The following DEF8 variants were observed in gnomAD, a reference collection of about 807,000 sequenced individuals.
The protein encoded by DEF8 is DEF-8.
DEF8 carries 38 observed loss-of-function variants against 59.1 expected under a neutral mutation model. The observed-to-expected ratio is 0.64, with a 90% CI of 0.50 to 0.84. The LOEUF is 0.84. Among genes scored for constraint, DEF8 ranks in the 40% least tolerant of loss-of-function variants. The pLI is 0.00. For synonymous variants in DEF8, 265 were observed against 250.1 expected, an observed-to-expected ratio of 1.06 and a Z score of -0.56; for missense variants, 557 against 615.2, an observed-to-expected ratio of 0.91 and a Z score of 1.00.
chr16:89,949,810 C>G (rs553132032), intron 2 of DEF8, among the ~76,000 whole-genome samples: 3 of 152,362 alleles, frequency 2.0e-5, no homozygotes, highest in Non-Finnish European at 2.9e-5. Flanking sequence ...TTTCACTCTT[C>G]CACTTCCTGC....
In DEF8 at chr16:89,960,669, G is replaced by C. The variant is rs562885089; in HGVS notation, c.515-262G>C. ...CGTTTGTTACATTTGGACAGGTTGG[G>C]TCTGGTGGTGGGAGTGGCAGGTTGG... On this transcript the variant is annotated intron_variant, in intron 6 of 12. Transcript: ENST00000563594. Among the ~76,000 whole-genome samples, 3 of 152,292 alleles carry C rather than the reference G, an allele frequency of 2.0e-5. No homozygotes were observed. The South Asian group carries it at 6.2e-4, about 32-fold the overall frequency.
At chr16:89,949,762 G>A in intron 2 of DEF8, 2 of 955,404 alleles carry the variant, frequency 2.1e-6, no homozygotes, top group South Asian at 1.7e-5. Context: ...AGAGCAGTGG[G>A]CTCTAGAGGA....
intron 1 of DEF8, among the ~76,000 whole-genome samples, chr16:89,949,045 GGGGTCGGGGCT>G (rs2031370032): frequency 3.3e-5 from 3 of 90,366 alleles, no homozygotes; most frequent in African/African-American, 2.6e-4. Flanking sequence ...CGGGGTCGGC[GGGGTCGGGGCT>G]GGGAGGGACG....
chr16:89,959,016 C>A lies in DEF8; in HGVS notation c.375C>A (p.Asp125Glu). ...HLRLKLQELKDPNEDEPNIRV... is the reference protein window; with the variant it reads ...HLRLKLQELKEPNEDEPNIRV... ...CCTCCCTGACTCACCCTCTGCAGGACCCCAATGAGGATGAGCCAAACATCC... is the reference window on the plus strand; with the variant it reads ...CCTCCCTGACTCACCCTCTGCAGGAACCCAATGAGGATGAGCCAAACATCC... Residue 125 changes from aspartate to glutamate, a missense_variant and splice_region_variant, in exon 6 of 13, where the codon GAC becomes GAA. By Grantham distance (45) the Asp-to-Glu change is conservative (BLOSUM62 2). Transcript: ENST00000563594. 6.2e-7 allele frequency: 1 copy of A among 1,611,366 alleles called. No individual in the cohort carries two copies. Among genetic ancestry groups the A allele is most frequent in the Non-Finnish European group, 8.5e-7 (1 of 1,179,954 alleles).
intron 2 of DEF8, among the ~76,000 whole-genome samples, chr16:89,951,925 TG>T (rs2032191973): frequency 6.6e-6 from 1 of 152,072 alleles, no homozygotes; most frequent in Non-Finnish European, 1.5e-5. Context: ...TTGCCCAGGC[TG>T]GAGTGCAGTG....
rs767710505 is a variant in DEF8 at position 89,964,276 on chromosome 16, C to G, written c.1109C>G (p.Thr370Arg). Residue 370 changes from threonine to arginine, a missense_variant, in exon 11 of 13, where the codon ACG becomes AGG. Physicochemically the swap from Thr to Arg is moderately conservative, Grantham distance 71. Transcript: ENST00000563594. ...RLGCSLTEIH[T>R]LFAKHIKLDC... ...GGCTGCTCGCTCACCGAGATCCACACGCTCTTCGCCAAGCACATCAAGCTG... is the reference window on the plus strand; with the variant it reads ...GGCTGCTCGCTCACCGAGATCCACAGGCTCTTCGCCAAGCACATCAAGCTG... The G allele has an allele frequency of 1.4e-5, 22 of 1,603,754 alleles. No individual in the cohort carries two copies. The highest frequency in any genetic ancestry group is 1.9e-5 in the Non-Finnish European group (22 of 1,175,452).
chr16:89,960,226 T>C (rs926977260), intron 6 of DEF8, among the ~76,000 whole-genome samples: 3 of 152,058 alleles, frequency 2.0e-5, no homozygotes. Context: ...CTGACTGAGC[T>C]TGGACTGAGA....
Position 89,956,912 on chromosome 16 carries a change from C to T in DEF8, c.223-599C>T, listed in dbSNP as rs1464003091. 2.0e-5 allele frequency: 3 copies of T among 152,240 alleles called. No individual in the cohort carries two copies. In the East Asian group the frequency reaches 5.8e-4, roughly 29 times the overall value. 9.4% of individuals were successfully genotyped at this position (152,240 alleles called of 1,614,324 possible). A position where few individuals can be genotyped will look rare whatever the true frequency, so the allele number is the denominator to read the frequency against. On this transcript the variant is annotated intron_variant, in intron 4 of 12. Coordinates refer to ENST00000563594, the MANE Select transcript of DEF8 (RefSeq NM_001242818.2). Reference sequence around the variant, plus strand: ...TCCCCTTTGCCTGGGTCTCAGAGCCCAGCAGCCTGGAGGAGGAGGATGGCT... The same window carrying T: ...TCCCCTTTGCCTGGGTCTCAGAGCCTAGCAGCCTGGAGGAGGAGGATGGCT...
intron 2 of DEF8, chr16:89,950,326 AAAGTAGGTGTTCCCCCTG>A: frequency 1.0e-6 from 1 of 985,408 alleles, no homozygotes; most frequent in Non-Finnish European, 1.2e-6. Flanking sequence ...TCCACCCCAG[AAAGTAGGTGTTCCCCCTG>A]ATTTATAGGC....
chr16:89,966,195 C>G lies in DEF8; in HGVS notation c.*232C>G. ...GGTGTGCTGCTGTGAGGGGTCCTTG[C>G]GTGGCCCCCATCCTTCCCCCAATGC... On this transcript the variant is annotated 3_prime_UTR_variant, in exon 13 of 13. Transcript: ENST00000563594. The G allele has an allele frequency of 2.2e-6, 1 of 462,650 alleles. No individual in the cohort carries two copies. Among genetic ancestry groups the G allele is most frequent in the Non-Finnish European group, 4.0e-6 (1 of 250,808 alleles). 28.7% of individuals were successfully genotyped at this position (462,650 alleles called of 1,614,324 possible).
intron 3 of DEF8, 137 bp from the exon 4 acceptor site, chr16:89,955,032 C>G: frequency 1.5e-6 from 1 of 646,062 alleles, no homozygotes; most frequent in Non-Finnish European, 2.7e-6. Flanking sequence ...CTGAGTGGTG[C>G]CCAGCTCTCA....
At chr16:89,957,322 A>G (rs1047538077) in intron 4 of DEF8, 189 bp from the exon 5 acceptor site, 2 of 574,764 alleles carry the variant, frequency 3.5e-6, no homozygotes, top group Non-Finnish European at 6.0e-6. Context: ...AGCACGCAGC[A>G]CCGGGTGGAC....
chr16:89,960,905 G>T, intron 6 of DEF8, 26 bp from the exon 7 acceptor site: 2 of 1,603,846 alleles, frequency 1.2e-6, no homozygotes, highest in South Asian at 2.2e-5. Context: ...TCCCGCTTTT[G>T]AGAAGTGTGT....
chr16:89,955,312 A>G, intron 4 of DEF8, 46 bp downstream of exon 4: 1 of 1,525,792 alleles, frequency 6.6e-7, no homozygotes, highest in Non-Finnish European at 9.1e-7. Context: ...GGGAACCCCC[A>G]AGGCAGGAAG....
rs190745584 is a variant in DEF8, at chr16:89,959,181, G to A, written c.514+26G>A. ...GTGGGCCGAGACCCAGACGAGGAGT[G>A]AGGAATGAGAGAGACCAAAGTTCCT... On this transcript the variant is annotated intron_variant, in intron 6 of 12. Transcript: ENST00000563594. 92 of 1,613,750 alleles carry A rather than the reference G, an allele frequency of 5.7e-5. No individual in the cohort carries two copies. In the African/African-American group the frequency reaches 1.1e-3, roughly 19 times the overall value.
intron 10 of DEF8, 91 bp downstream of exon 10, chr16:89,963,534 C>T (rs540076935): frequency 1.5e-5 from 16 of 1,065,300 alleles, no homozygotes; most frequent in East Asian, 1.2e-4. Flanking sequence ...ACAGCTTGTG[C>T]GTGGAGTGCC....
At chr16:89,963,260 A>G (rs1052406314) in intron 9 of DEF8, 103 bp from the exon 10 acceptor site, 4 of 931,394 alleles carry the variant, frequency 4.3e-6, no homozygotes, top group Non-Finnish European at 6.4e-6. Flanking sequence ...TTCGTGGGGA[A>G]CCAACCCCTC....
At position 89,964,269 on chromosome 16, in the gene DEF8, A is replaced by G. The variant is rs759961435; in HGVS notation, c.1102A>G (p.Ile368Val). Residue 368 changes from isoleucine (I) to valine (V), a missense_variant, in exon 11 of 13, where the codon ATC (isoleucine) becomes GTC (valine). Ile to Val is a conservative substitution (Grantham distance 29, BLOSUM62 3). Transcript: ENST00000563594. ...AGRLGCSLTE[I>V]HTLFAKHIKL... ...CCGCCTGGGCTGCTCGCTCACCGAG[A>G]TCCACACGCTCTTCGCCAAGCACAT... 1 of 1,607,552 alleles carries G rather than the reference A, an allele frequency of 6.2e-7. No homozygotes were observed. The highest frequency in any genetic ancestry group is 1.1e-5 in the South Asian group (1 of 90,630).
Position 89,950,067 on chromosome 16 carries a change from C to T in DEF8, c.-11+554C>T, listed in dbSNP as rs2031722199. 7 of 996,648 alleles carry T rather than the reference C, an allele frequency of 7.0e-6. No individual in the cohort carries two copies. In the South Asian group the frequency reaches 2.2e-4, roughly 31 times the overall value. 61.7% of individuals were successfully genotyped at this position (996,648 alleles called of 1,614,324 possible). Reference sequence around the variant, plus strand: ...AAATAAAAGATGCCTTTTTTCACAGCCCGGAGGAGAGCTGGTAGCCTAGAG... The same window carrying T: ...AAATAAAAGATGCCTTTTTTCACAGTCCGGAGGAGAGCTGGTAGCCTAGAG... On this transcript the variant is annotated intron_variant, in intron 2 of 12. Coordinates refer to ENST00000563594, the MANE Select transcript of DEF8 (RefSeq NM_001242818.2).
Sources: allele counts gnomAD v4.1 joint callset (sites outside exome capture counted in the v4.1 genomes callset), GRCh38; gene constraint gnomAD v4.1.1; transcripts MANE v1.5; gene names NCBI Gene and HGNC (gene_info 2026-07-23, HGNC 2026-07-21).